Variants in JOSD1 observed in about 807,000 individuals in gnomAD.
JOSD1 encodes josephin-1.
A neutral mutation model predicts 24.3 loss-of-function variants in JOSD1; 11 were observed. The observed-to-expected ratio is 0.45, with a 90% CI of 0.29 to 0.75. The LOEUF (loss-of-function observed/expected upper bound fraction) is 0.75, where lower values mean the gene tolerates loss of function less well. JOSD1 is among the 30% of genes least tolerant of loss of function. The pLI is 0.11. For missense variants in JOSD1, 184 were observed against 253.5 expected, an observed-to-expected ratio of 0.73 and a Z score of 1.86; for synonymous variants, 106 against 93.8, an observed-to-expected ratio of 1.13 and a Z score of -0.75.
chr22:38,690,534 C>T (rs892634159), intron 2 of JOSD1, among the ~76,000 whole-genome samples: 3 of 151,900 alleles, frequency 2.0e-5, no homozygotes, highest in Non-Finnish European at 4.4e-5. Flanking sequence ...TCCCAAGTAG[C>T]TGGGATTACA....
chr22:38,689,912 C>CTGTGTGTGGGTGTGTGTGTG (rs2092514243), intron 2 of JOSD1, among the ~76,000 whole-genome samples: 1 of 144,530 alleles, frequency 6.9e-6, no homozygotes, highest in African/African-American at 2.6e-5. Context: ...TAAAGGCATT[C>CTGTGTGTGGGTGTGTGTGTG]TGTGTGTGTG....
At chr22:38,693,899 A>C (rs1175421610) in intron 2 of JOSD1, among the ~76,000 whole-genome samples, 1 of 152,246 alleles carries the variant, frequency 6.6e-6, no homozygotes, top group African/African-American at 2.4e-5. Context: ...TGTGGGATTT[A>C]ATCTCCATGC....
rs1270641211 is a variant in JOSD1, at chr22:38,688,017, T to G, written c.510-16A>C. 3.8e-5 allele frequency: 60 copies of G among 1,588,238 alleles called. No individual in the cohort carries two copies. Among genetic ancestry groups the G allele is most frequent in the Admixed American group, 6.7e-5 (4 of 59,884 alleles). On this transcript the variant is annotated splice_polypyrimidine_tract_variant and intron_variant, in intron 4 of 4. Coordinates refer to ENST00000683374, the MANE Select transcript of JOSD1 (RefSeq NM_001360236.2). The stretch of plus-strand genomic sequence containing the variant: ...TAGAAACTTCCTATGGAAAAAGAGA[T>G]AGAGAAAATGAAATGCTGGCAAGTT...
intron 2 of JOSD1, among the ~76,000 whole-genome samples, chr22:38,694,620 T>C (rs1333684468): frequency 6.6e-6 from 1 of 152,050 alleles, no homozygotes; most frequent in Non-Finnish European, 1.5e-5. Flanking sequence ...CCCAGCACTC[T>C]GGGAGGCCGA....
chr22:38,690,615 CTGGT>C (rs2092517686), intron 2 of JOSD1, among the ~76,000 whole-genome samples: 3 of 152,190 alleles, frequency 2.0e-5, no homozygotes, highest in Admixed American at 2.0e-4. Flanking sequence ...GTTGGCCAGG[CTGGT>C]TGGTCTCGAA....
chr22:38,697,911 G>T (rs1010909529), intron 2 of JOSD1, among the ~76,000 whole-genome samples: 1 of 152,224 alleles, frequency 6.6e-6, no homozygotes, highest in Non-Finnish European at 1.5e-5. Context: ...CTACCAGAGT[G>T]TGACTGGATA....
At position 38,687,956 on chromosome 22, in the gene JOSD1, C is replaced by T. The variant is rs1298557153; in HGVS notation, c.555G>A (p.Leu185=). ...CCTCTACCTCTTCTGGTACCACCAG[C>T]AGGAGTTCACAGTTCTTTCCTCGCA... ...HHLRGKNCEL[L]LVVPEEVEAH... is the part of the protein sequence containing the mutation. The change falls in exon 5 of 5, where the codon CTG becomes CTA. Residue 185 remains leucine, a synonymous_variant. Transcript: ENST00000683374. 1.2e-6 allele frequency: 2 copies of T among 1,613,916 alleles called. No individual in the cohort carries two copies. Among genetic ancestry groups the T allele is most frequent in the Non-Finnish European group, 1.7e-6 (2 of 1,179,862 alleles).
intron 2 of JOSD1, among the ~76,000 whole-genome samples, chr22:38,691,030 TCC>T (rs1321968975): frequency 6.7e-6 from 1 of 150,236 alleles, no homozygotes; most frequent in African/African-American, 2.5e-5. Flanking sequence ...AGAGTGAGAC[TCC>T]GTCTCAAAAA....
intron 2 of JOSD1, among the ~76,000 whole-genome samples, chr22:38,698,906 A>ACCACC (rs2092556091): frequency 6.6e-6 from 1 of 152,060 alleles, no homozygotes; most frequent in African/African-American, 2.4e-5. Context: ...ACAGGCGTGC[A>ACCACC]CCACCACACC....
rs373839007 is a variant in JOSD1, at chr22:38,687,556, G to A, written c.*346C>T. On this transcript the variant is annotated 3_prime_UTR_variant, in exon 5 of 5. Coordinates refer to ENST00000683374, the MANE Select transcript of JOSD1 (RefSeq NM_001360236.2). ...GAGGCAGCATCTCTAGGTGAGTCTG[G>A]AGCAGCAGTGACAACTCAGCAGAAC... 1.2e-5 allele frequency: 3 copies of A among 255,994 alleles called. No homozygotes were observed. The highest frequency in any genetic ancestry group is 6.7e-5 in the African/African-American group (3 of 44,666). 15.9% of individuals were successfully genotyped at this position (255,994 alleles called of 1,614,324 possible).
intron 2 of JOSD1, among the ~76,000 whole-genome samples, chr22:38,697,612 C>T (rs752500942): frequency 1.3e-5 from 2 of 152,250 alleles, no homozygotes; most frequent in South Asian, 2.1e-4. Flanking sequence ...ACTCTACAGG[C>T]GCTTCCAGTA....
At chr22:38,695,987 C>G (rs188175960) in intron 2 of JOSD1, among the ~76,000 whole-genome samples, 1 of 152,002 alleles carries the variant, frequency 6.6e-6, no homozygotes, top group Non-Finnish European at 1.5e-5. Context: ...ACCCAGAAGG[C>G]GGAGGCTGCA....
chr22:38,692,335 T>C (rs1341338441), intron 2 of JOSD1, among the ~76,000 whole-genome samples: 6 of 152,174 alleles, frequency 3.9e-5, no homozygotes, highest in Non-Finnish European at 5.9e-5. Flanking sequence ...AAAGTTATGC[T>C]TGCTGTCTTA....
At position 38,700,442 on chromosome 22, in the gene JOSD1, G is replaced by A. The variant is rs543808490; in HGVS notation, c.-455C>T. On this transcript the variant is annotated 5_prime_UTR_variant, in exon 2 of 5. Coordinates refer to ENST00000683374, the MANE Select transcript of JOSD1 (RefSeq NM_001360236.2). ...ACGACGCCAATGACTCGGGAGACAA[G>A]GCCTGGGTGACGGATAAATTTAGCG... is the stretch of plus-strand genomic sequence containing the variant. 4.7e-5 allele frequency: 46 copies of A among 987,024 alleles called. No individual in the cohort carries two copies. The highest frequency in any genetic ancestry group is 5.5e-5 in the Non-Finnish European group (46 of 830,928). The allele number at this position is 987,024 out of a possible 1,614,324, so 61.1% of individuals were successfully genotyped here. A position where few individuals can be genotyped will look rare whatever the true frequency, so the allele number is the denominator to read the frequency against.
chr22:38,693,398 C>T (rs2092531797), intron 2 of JOSD1, among the ~76,000 whole-genome samples: 3 of 152,178 alleles, frequency 2.0e-5, no homozygotes, highest in South Asian at 2.1e-4. Context: ...TGCTTCCAAG[C>T]GCTCCTTCCA....
chr22:38,688,462 C>T (rs530038349), intron 4 of JOSD1, among the ~76,000 whole-genome samples: 2 of 152,248 alleles, frequency 1.3e-5, no homozygotes, highest in South Asian at 2.1e-4. Flanking sequence ...AGAGTTTCAC[C>T]GTGTTGGTCA....
At chr22:38,695,592 G>A (rs1038406597) in intron 2 of JOSD1, among the ~76,000 whole-genome samples, 3 of 151,804 alleles carry the variant, frequency 2.0e-5, no homozygotes, top group Admixed American at 6.6e-5. Flanking sequence ...GACTACAGGC[G>A]CGAGCCCCCA....
chr22:38,686,596 TAC>T lies in JOSD1; in HGVS notation c.*1304_*1305del, dbSNP rs1466048933. The T allele has an allele frequency of 6.6e-6, 1 of 152,218 alleles. No homozygotes were observed. The highest frequency in any genetic ancestry group is 2.4e-5 in the African/African-American group (1 of 41,448). 9.4% of individuals were successfully genotyped at this position (152,218 alleles called of 1,614,324 possible). On this transcript the variant is annotated 3_prime_UTR_variant, in exon 5 of 5. Coordinates refer to ENST00000683374, the MANE Select transcript of JOSD1 (RefSeq NM_001360236.2). Reference sequence around the variant, plus strand: ...TAGGGGCGGGTTGAACTTCCATTGATACAGAGAGGAAACGACATGAAGATGAC... The same window carrying T: ...TAGGGGCGGGTTGAACTTCCATTGATAGAGAGGAAACGACATGAAGATGAC...
rs1462542804 is a variant in JOSD1, at chr22:38,699,819, G to T, written c.169C>A (p.Gln57Lys). 6.2e-7 allele frequency: 1 copy of T among 1,614,164 alleles called. No homozygotes were observed. Among genetic ancestry groups the T allele is most frequent in the Non-Finnish European group, 8.5e-7 (1 of 1,180,010 alleles). ...GTCCCCTACCTCTGGAAAATCTCTT[G>T]CAGCGTATCCCGGGTGAAGGCATTG... The part of the protein sequence containing the change: ...DSNAFTRDTL[Q>K]EIFQRLSPNT... The change falls in exon 2 of 5, where the codon CAA becomes AAA. Residue 57 changes from glutamine to lysine, a missense_variant. Gln to Lys is a moderately conservative substitution (Grantham distance 53). Transcript: ENST00000683374.
Sources: allele counts gnomAD v4.1 joint callset (sites outside exome capture counted in the v4.1 genomes callset), GRCh38; gene constraint gnomAD v4.1.1; transcripts MANE v1.5; gene names NCBI Gene and HGNC (gene_info 2026-07-23, HGNC 2026-07-21).